Variants in GALNT13 observed in about 807,000 individuals in gnomAD.
GALNT13 encodes the protein polypeptide N-acetylgalactosaminyltransferase 13.
In GALNT13, 28 loss-of-function variants were observed where a neutral mutation model predicts 64.2. That is an observed-to-expected ratio of 0.44 (90% CI 0.32 to 0.60). The LOEUF is 0.60. Ranked by LOEUF, GALNT13 falls within the 20% of genes least tolerant of loss-of-function variation. GALNT13 has a pLI of 0.05. For synonymous variants in GALNT13, 214 were observed against 224.6 expected (o/e 0.95, Z 0.42); for missense variants, 577 against 669.8 (o/e 0.86, Z 1.53).
intron 1 of GALNT13, among the ~76,000 whole-genome samples, chr2:153,892,721 T>C (rs1424163750): frequency 6.6e-6 from 1 of 152,032 alleles, no homozygotes; most frequent in Non-Finnish European, 1.5e-5. Flanking sequence ...TTCAATGAAA[T>C]ATAAATTTCT....
At chr2:153,163,561 C>T in the GALNT13 span, among the ~76,000 whole-genome samples, 1 of 152,112 alleles carries the variant, frequency 6.6e-6, no homozygotes, top group Non-Finnish European at 1.5e-5. Context: ...TCAAACCTTT[C>T]ACCTTCAAAT....
intron 3 of GALNT13, among the ~76,000 whole-genome samples, chr2:154,128,260 T>G (rs1682409098): frequency 6.6e-6 from 1 of 152,092 alleles, no homozygotes; most frequent in African/African-American, 2.4e-5. Context: ...ACTTATTAAA[T>G]AAGTGTTGAC....
intron 3 of GALNT13, among the ~76,000 whole-genome samples, chr2:154,116,637 T>G (rs191562986): frequency 5.6e-4 from 85 of 152,332 alleles, no homozygotes; most frequent in African/African-American, 1.9e-3. Context: ...TCACATGAGC[T>G]GTGAATCTGG....
chr2:153,511,326 C>G, the GALNT13 span, among the ~76,000 whole-genome samples: 1 of 151,484 alleles, frequency 6.6e-6, no homozygotes, highest in African/African-American at 2.4e-5. Flanking sequence ...AGGGATGACC[C>G]AAGCAGGTTC....
At chr2:154,176,240 ATTATTTATTTAT>A (rs3075864) in intron 4 of GALNT13, among the ~76,000 whole-genome samples, 1,948 of 132,738 alleles carry the variant, frequency 0.015, 35 homozygotes, top group East Asian at 0.086. Flanking sequence ...GAACATATAT[ATTATTTATTTAT>A]TTATTTATTT....
the GALNT13 span, among the ~76,000 whole-genome samples, chr2:153,082,573 T>TTTTA: frequency 2.5e-5 from 1 of 40,558 alleles, no homozygotes; most frequent in African/African-American, 1.1e-4. Context: ...TTAGGCTGGT[T>TTTTA]TATATATATA....
the GALNT13 span, among the ~76,000 whole-genome samples, chr2:153,152,635 C>T: frequency 6.6e-6 from 1 of 151,646 alleles, no homozygotes; most frequent in African/African-American, 2.4e-5. Flanking sequence ...TTTAGCTCTC[C>T]CTGATAAGTG....
the GALNT13 span, among the ~76,000 whole-genome samples, chr2:153,774,542 A>G: frequency 6.6e-6 from 1 of 152,184 alleles, no homozygotes; most frequent in Admixed American, 6.5e-5. Context: ...ATACTTCCCT[A>G]TAATCCCTTT....
chr2:154,148,270 G>A (rs1683746331), intron 4 of GALNT13, among the ~76,000 whole-genome samples: 1 of 151,608 alleles, frequency 6.6e-6, no homozygotes, highest in Non-Finnish European at 1.5e-5. Context: ...ATTTTTTATG[G>A]CTGCATAGTA....
At chr2:153,480,222 C>G in the GALNT13 span, among the ~76,000 whole-genome samples, 3 of 152,216 alleles carry the variant, frequency 2.0e-5, no homozygotes, top group East Asian at 1.9e-4. Flanking sequence ...TAATTTCATT[C>G]TGTTTGCTTG....
upstream of GALNT13, among the ~76,000 whole-genome samples, chr2:153,867,714 C>T (rs1161475101): frequency 6.6e-6 from 1 of 151,750 alleles, no homozygotes; most frequent in Non-Finnish European, 1.5e-5. Flanking sequence ...ACTAGATGGT[C>T]CCATCTGGGG....
chr2:153,342,281 G>A, the GALNT13 span, among the ~76,000 whole-genome samples: 2 of 152,160 alleles, frequency 1.3e-5, no homozygotes, highest in South Asian at 4.1e-4. Context: ...TCTGTGTCCA[G>A]TGATCTTACA....
chr2:153,647,171 T>C, the GALNT13 span, among the ~76,000 whole-genome samples: 1 of 152,244 alleles, frequency 6.6e-6, no homozygotes, highest in African/African-American at 2.4e-5. Flanking sequence ...TGGTGTGAGA[T>C]GATATCTCAT....
intron 3 of GALNT13, among the ~76,000 whole-genome samples, chr2:154,097,515 AAAAC>A (rs1394718850): frequency 2.0e-5 from 3 of 152,112 alleles, no homozygotes; most frequent in Non-Finnish European, 2.9e-5. Flanking sequence ...ACTGTTTATT[AAAAC>A]AAACAAAATT....
the GALNT13 span, among the ~76,000 whole-genome samples, chr2:153,373,346 A>C: frequency 6.6e-6 from 1 of 152,156 alleles, no homozygotes; most frequent in Admixed American, 6.5e-5. Context: ...ATATGTATAA[A>C]TTTCCCACCT....
chr2:153,375,040 G>A, the GALNT13 span, among the ~76,000 whole-genome samples: 1 of 152,058 alleles, frequency 6.6e-6, no homozygotes, highest in Non-Finnish European at 1.5e-5. Flanking sequence ...GATTTGATAT[G>A]TAGAAAATTT....
At chr2:153,280,392 C>T in the GALNT13 span, among the ~76,000 whole-genome samples, 2 of 151,982 alleles carry the variant, frequency 1.3e-5, no homozygotes, top group African/African-American at 4.8e-5. Flanking sequence ...TTAGTTATTT[C>T]TTTTCTTCTG....
At chr2:153,571,418 T>G in the GALNT13 span, among the ~76,000 whole-genome samples, 2 of 151,944 alleles carry the variant, frequency 1.3e-5, no homozygotes, top group Non-Finnish European at 2.9e-5. Flanking sequence ...TAATTTGACT[T>G]CTTTCAAATT....
At chr2:153,773,393 C>T in the GALNT13 span, among the ~76,000 whole-genome samples, 2 of 152,180 alleles carry the variant, frequency 1.3e-5, no homozygotes, top group Non-Finnish European at 2.9e-5. Context: ...TGACATTCTT[C>T]ATTTATCAAA....
Sources: gnomAD v4.1 joint callset for allele counts (sites outside exome capture counted in the v4.1 genomes callset) on GRCh38, gnomAD v4.1.1 for gene constraint, MANE v1.5 for transcripts, NCBI Gene and HGNC (gene_info 2026-07-23, HGNC 2026-07-21) for gene names.